DLGAP2: variants seen among roughly 807,000 people sequenced by gnomAD.
DLGAP2 encodes DLG associated protein 2, also known as disks large-associated protein 2.
In DLGAP2, 26 loss-of-function variants were observed where a neutral mutation model predicts 100.3. The ratio of observed to expected loss-of-function variants is 0.26; its 90% confidence interval spans 0.19 to 0.36. DLGAP2 has a LOEUF of 0.36. DLGAP2 is among the 10% of genes least tolerant of loss of function. DLGAP2 has a pLI of 1.00. For missense variants in DLGAP2, 1,858 were observed against 1,453.2 expected (o/e 1.28, Z -4.53); for synonymous variants, 886 against 630.1 (o/e 1.41, Z -6.08).
chr8:1,282,971 G>A lies in DLGAP2; in HGVS notation c.106+24088G>A, dbSNP rs867820350. On this transcript the variant is annotated intron_variant, in intron 3 of 14. Transcript: ENST00000637795. ...ACCCAGCGCCCTGAACCATCTGGAC[G>A]TGGTGTGACCTGAATCCAGCCCCCT... 9.0e-3 allele frequency among the ~76,000 whole-genome samples: 1,033 copies of A among 114,312 alleles called. 17 individuals are homozygous for A. The highest frequency in any genetic ancestry group is 0.033 in the African/African-American group (981 of 29,452). The allele number at this position is 114,312 out of a possible 152,430, so 75.0% of individuals were successfully genotyped here.
chr8:1,565,085 T>A, intron 5 of DLGAP2, among the ~76,000 whole-genome samples: 1 of 151,922 alleles, frequency 6.6e-6, no homozygotes, highest in East Asian at 1.9e-4. Context: ...CATGAGCGGG[T>A]GCTGAGTTCT....
chr8:881,930 T>A (rs866361885), intron 1 of DLGAP2, among the ~76,000 whole-genome samples: 9 of 152,230 alleles, frequency 5.9e-5, no homozygotes, highest in South Asian at 2.1e-4. Context: ...CTGGTTGAAT[T>A]TATTCATTCC....
At chr8:780,838 A>G (rs992425967) in intron 1 of DLGAP2, among the ~76,000 whole-genome samples, 1 of 151,508 alleles carries the variant, frequency 6.6e-6, no homozygotes, top group Admixed American at 6.6e-5. Context: ...CCTTCCCCAC[A>G]CCCCCTTTTT....
intron 2 of DLGAP2, among the ~76,000 whole-genome samples, chr8:1,196,849 G>C (rs1192648711): frequency 1.3e-5 from 2 of 152,160 alleles, no homozygotes; most frequent in African/African-American, 4.8e-5. Context: ...CTCCCGAAAA[G>C]TGAGACTGAC....
At chr8:1,494,619 T>C (rs770108788) in intron 3 of DLGAP2, among the ~76,000 whole-genome samples, 1 of 152,148 alleles carries the variant, frequency 6.6e-6, no homozygotes, top group African/African-American at 2.4e-5. Flanking sequence ...GTCTCACCTA[T>C]TGGGCGTCTG....
intron 2 of DLGAP2, among the ~76,000 whole-genome samples, chr8:1,233,650 C>T (rs13265768): frequency 0.78 from 119,147 of 152,108 alleles, 47,045 homozygotes; most frequent in Middle Eastern, 0.91. Flanking sequence ...TGCTAAGCTT[C>T]GTTTGTGTTT....
At chr8:1,512,167 T>C (rs1431957965) in intron 4 of DLGAP2, among the ~76,000 whole-genome samples, 1 of 152,134 alleles carries the variant, frequency 6.6e-6, no homozygotes, top group Non-Finnish European at 1.5e-5. Flanking sequence ...AACAGCTGGG[T>C]TAGAGTGCAC....
intron 3 of DLGAP2, among the ~76,000 whole-genome samples, chr8:1,442,614 A>G (rs188355966): frequency 0.019 from 2,674 of 139,282 alleles, 123 homozygotes; most frequent in African/African-American, 0.065. Flanking sequence ...GGATCGGGGC[A>G]TAGACCCGCC....
chr8:802,161 T>C (rs1353923727), intron 1 of DLGAP2, among the ~76,000 whole-genome samples: 1 of 148,794 alleles, frequency 6.7e-6, no homozygotes, highest in Non-Finnish European at 1.5e-5. Flanking sequence ...GCACTCCTCC[T>C]GGGTCCTCTG....
chr8:795,420 C>T (rs948372534), intron 1 of DLGAP2, among the ~76,000 whole-genome samples: 1 of 152,196 alleles, frequency 6.6e-6, no homozygotes, highest in Non-Finnish European at 1.5e-5. Flanking sequence ...CTAGACAGCA[C>T]CTCAGCACCA....
At chr8:1,168,645 T>C (rs559287756) in intron 2 of DLGAP2, among the ~76,000 whole-genome samples, 5,544 of 145,624 alleles carry the variant, frequency 0.038, 123 homozygotes, top group African/African-American at 0.06. Flanking sequence ...TGGTGAGCAT[T>C]TTTTCATGTG....
chr8:1,599,915 T>C (rs1309600323), intron 6 of DLGAP2, among the ~76,000 whole-genome samples: 4 of 152,206 alleles, frequency 2.6e-5, no homozygotes, highest in Non-Finnish European at 2.9e-5. Context: ...CCTGTCATTA[T>C]GATGCTAGCC....
At chr8:960,235 A>ATTTTTTTTTTTTTT (rs1209692955) in intron 2 of DLGAP2, among the ~76,000 whole-genome samples, 2 of 8,348 alleles carry the variant, frequency 2.4e-4, no homozygotes, top group African/African-American at 4.3e-4. Flanking sequence ...CCTGAAGTAT[A>ATTTTTTTTTTTTTT]TCTTTTTTTT....
chr8:1,199,080 G>T (rs1797814449), intron 2 of DLGAP2, among the ~76,000 whole-genome samples: 1 of 152,202 alleles, frequency 6.6e-6, no homozygotes, highest in Admixed American at 6.5e-5. Context: ...GTTTAGAAAG[G>T]ATCTAAGTCA....
intron 3 of DLGAP2, among the ~76,000 whole-genome samples, chr8:1,299,016 G>A (rs1276946231): frequency 6.6e-6 from 1 of 152,222 alleles, no homozygotes; most frequent in East Asian, 1.9e-4. Context: ...GCAAAGGTGG[G>A]CAAAGGCTGT....
intron 3 of DLGAP2, among the ~76,000 whole-genome samples, chr8:1,491,077 C>CAAAAAAAAAAAAAAAAAAAAA (rs386411871): frequency 1.6e-5 from 1 of 64,516 alleles, no homozygotes; most frequent in African/African-American, 4.3e-5. Context: ...AACTGGAAAC[C>CAAAAAAAAAAAAAAAAAAAAA]AAAAAAAAAA....
intron 2 of DLGAP2, among the ~76,000 whole-genome samples, chr8:1,201,948 GTGTACA>G (rs1416620769): frequency 5.5e-5 from 8 of 144,380 alleles, no homozygotes; most frequent in African/African-American, 1.3e-4. Context: ...ATGTGTGTAT[GTGTACA>G]CATGTGGTGT....
chr8:1,510,585 C>T (rs947065187), intron 4 of DLGAP2, among the ~76,000 whole-genome samples: 1 of 152,190 alleles, frequency 6.6e-6, no homozygotes, highest in African/African-American at 2.4e-5. Context: ...CGTTCTGGTG[C>T]CTTGGTCAAT....
At chr8:1,097,644 C>G (rs1269826463) in intron 2 of DLGAP2, among the ~76,000 whole-genome samples, 11 of 127,584 alleles carry the variant, frequency 8.6e-5, no homozygotes, top group East Asian at 2.4e-4. Context: ...TCAGGAGAGT[C>G]GAGCTGGGAG....
Sources: allele counts gnomAD v4.1 joint callset (sites outside exome capture counted in the v4.1 genomes callset), GRCh38; gene constraint gnomAD v4.1.1; transcripts MANE v1.5; gene names NCBI Gene and HGNC (gene_info 2026-07-23, HGNC 2026-07-21).